FLNB: variants seen among roughly 807,000 people sequenced by gnomAD.
The protein encoded by FLNB is filamin-B.
In FLNB, 111 loss-of-function variants were observed where a neutral mutation model predicts 250.6. The observed-to-expected ratio is 0.44, with a 90% CI of 0.38 to 0.52. The LOEUF (loss-of-function observed/expected upper bound fraction) is 0.52. FLNB is among the 20% of genes least tolerant of loss of function. The pLI, the probability that FLNB is intolerant of heterozygous loss-of-function variation, is 0.00. For missense variants in FLNB, 2,869 were observed against 3,447.8 expected (o/e 0.83, Z 4.20); for synonymous variants, 1,302 against 1,372.1 (o/e 0.95, Z 1.13).
At chr3:58,045,490 C>T (rs1384713403) in intron 1 of FLNB, among the ~76,000 whole-genome samples, 4 of 152,166 alleles carry the variant, frequency 2.6e-5, no homozygotes, top group Non-Finnish European at 4.4e-5. Context: ...TAAAGCTCAT[C>T]AGCTATCATT....
chr3:58,143,564 G>A lies in FLNB; in HGVS notation c.5376G>A (p.Glu1792=). 6.2e-7 allele frequency: 1 copy of A among 1,614,162 alleles called. No homozygotes were observed. The highest frequency in any genetic ancestry group is 8.5e-7 in the Non-Finnish European group (1 of 1,180,036). ...TCACTGTTAGATATGCCCCCACTGAGGTCGGGCTCCATGAGATGCACATCA... is the reference window on the plus strand; with the variant it reads ...TCACTGTTAGATATGCCCCCACTGAAGTCGGGCTCCATGAGATGCACATCA... ...GTVTVRYAPT[E]VGLHEMHIKY... The change falls in exon 32 of 46, where the codon GAG becomes GAA. Residue 1792 remains glutamate (E), a synonymous_variant. Coordinates refer to ENST00000295956, the MANE Select transcript of FLNB (RefSeq NM_001457.4).
At chr3:58,108,401 T>C in intron 12 of FLNB, 57 bp from the exon 13 acceptor site, 1 of 1,120,908 alleles carries the variant, frequency 8.9e-7, no homozygotes, top group African/African-American at 1.5e-5. Flanking sequence ...TGTCTTTGTA[T>C]AAGGGTTTAG....
intron 38 of FLNB, chr3:58,152,866 A>G: frequency 1.8e-6 from 1 of 562,072 alleles, no homozygotes. Context: ...TGAGCAGCTC[A>G]CGGAGAGTGA....
At chr3:58,089,337 G>A (rs1166967293) in intron 4 of FLNB, among the ~76,000 whole-genome samples, 2 of 152,068 alleles carry the variant, frequency 1.3e-5, no homozygotes, top group Admixed American at 1.3e-4. Flanking sequence ...CTGAGGTCAG[G>A]AATTCGATAC....
At chr3:58,115,994 C>A (rs961991562) in intron 18 of FLNB, among the ~76,000 whole-genome samples, 4 of 151,994 alleles carry the variant, frequency 2.6e-5, no homozygotes, top group Admixed American at 2.0e-4. Context: ...TTCCTTCCCA[C>A]CCCCACCCCC....
In FLNB at chr3:58,094,870, A is replaced by T; in HGVS notation, c.822A>T (p.Pro274=). 1 of 1,614,182 alleles carries T rather than the reference A, an allele frequency of 6.2e-7. No homozygotes were observed. Among genetic ancestry groups the T allele is most frequent in the African/African-American group, 1.3e-5 (1 of 75,056 alleles). Residue 274 remains proline, a synonymous_variant, in exon 5 of 46, where the codon CCA becomes CCT. Coordinates refer to ENST00000295956, the MANE Select transcript of FLNB (RefSeq NM_001457.4). The part of the protein sequence containing the change: ...IEPTGNMVKQ[P]AKFTVDTISA... ...CCACTGGAAACATGGTGAAGCAGCCAGCCAAGTTCACTGTGGACACCATCA... is the reference window on the plus strand; with the variant it reads ...CCACTGGAAACATGGTGAAGCAGCCTGCCAAGTTCACTGTGGACACCATCA...
chr3:58,053,671 T>C (rs887530834), intron 1 of FLNB, among the ~76,000 whole-genome samples: 3 of 152,026 alleles, frequency 2.0e-5, no homozygotes, highest in Admixed American at 1.3e-4. Flanking sequence ...ACTGTGTTAG[T>C]CAGGATGGTC....
At chr3:58,105,059 C>T (rs1451824034) in intron 10 of FLNB, 21 bp from the exon 11 acceptor site, 1 of 1,614,186 alleles carries the variant, frequency 6.2e-7, no homozygotes, top group Admixed American at 1.7e-5. Context: ...TTTGATGCTT[C>T]TTCTATTCCT....
intron 1 of FLNB, among the ~76,000 whole-genome samples, chr3:58,013,222 G>A (rs774913777): frequency 1.3e-5 from 2 of 152,222 alleles, no homozygotes; most frequent in Non-Finnish European, 2.9e-5. Context: ...TTTGGGTGGT[G>A]TGTTTTGTTT....
At chr3:58,120,652 G>C (rs532335268) in intron 19 of FLNB, among the ~76,000 whole-genome samples, 6 of 152,326 alleles carry the variant, frequency 3.9e-5, no homozygotes, top group African/African-American at 1.4e-4. Flanking sequence ...GCTTTCTTGA[G>C]GGGGAGGGGT....
intron 1 of FLNB, among the ~76,000 whole-genome samples, chr3:58,046,756 C>G (rs1251207031): frequency 6.6e-6 from 1 of 152,098 alleles, no homozygotes; most frequent in African/African-American, 2.4e-5. Context: ...TTTTTATTGC[C>G]TCAGAAGAAC....
rs553107527 is a variant in FLNB at position 58,115,739 on chromosome 3, C to T, written c.2746-3133C>T. ...CAAGGAGCCGGGTGGGCCTTGGTGG[C>T]GGTCGTTGCCACCAAGTGGCAACAT... On this transcript the variant is annotated intron_variant, in intron 18 of 45. Transcript: ENST00000295956. Among the ~76,000 whole-genome samples the T allele has an allele frequency of 3.9e-5, 6 of 152,076 alleles. No homozygotes were observed. The East Asian group carries it at 7.8e-4, about 20-fold the overall frequency.
intron 1 of FLNB, among the ~76,000 whole-genome samples, chr3:58,038,844 C>G (rs1235222663): frequency 6.6e-6 from 1 of 152,020 alleles, no homozygotes; most frequent in Non-Finnish European, 1.5e-5. Context: ...CAGCTGGCAC[C>G]CAGTGCATAG....
intron 41 of FLNB, among the ~76,000 whole-genome samples, chr3:58,157,754 G>A (rs1481160354): frequency 2.6e-5 from 4 of 152,144 alleles, no homozygotes; most frequent in Non-Finnish European, 5.9e-5. Context: ...AGCGGCAAGC[G>A]GATTCAGGTA....
At chr3:58,012,806 A>C (rs1687432369) in intron 1 of FLNB, among the ~76,000 whole-genome samples, 1 of 152,226 alleles carries the variant, frequency 6.6e-6, no homozygotes. Context: ...CATTGAATGA[A>C]TACAGGGTTT....
rs188359703 is a variant in FLNB, at chr3:58,039,790, G to C, written c.292+30934G>C. Among the ~76,000 whole-genome samples the C allele has an allele frequency of 9.6e-4, 146 of 152,268 alleles. 4 individuals carry two copies. In the East Asian group the frequency reaches 0.027, roughly 28 times the overall value. ...ATGATTTATTCATGGGTGGTGGGGA[G>C]GGTAGCACTAGTGTATGCTCCCAGC... On this transcript the variant is annotated intron_variant, in intron 1 of 45. Transcript: ENST00000295956.
At position 58,109,668 on chromosome 3, in the gene FLNB, C is replaced by T. The variant is rs754197721; in HGVS notation, c.2292C>T (p.His764=). 6 of 1,614,132 alleles carry T rather than the reference C, an allele frequency of 3.7e-6. No homozygotes were observed. The highest frequency in any genetic ancestry group is 3.3e-5 in the South Asian group (3 of 91,070). Residue 764 remains histidine, a synonymous_variant, in exon 15 of 46, where the codon CAC becomes CAT. Transcript: ENST00000295956. ...GTCTGAAGGCAAATGAACCTACACACTTCACGGTGGACTGTACTGAGGCTG... is the reference window on the plus strand; with the variant it reads ...GTCTGAAGGCAAATGAACCTACACATTTCACGGTGGACTGTACTGAGGCTG... ...RSGLKANEPT[H]FTVDCTEAGE...
intron 18 of FLNB, among the ~76,000 whole-genome samples, chr3:58,115,477 GGACTGCAGAACCCAGTACCCCA>G (rs1330733376): frequency 6.6e-6 from 1 of 152,204 alleles, no homozygotes; most frequent in Non-Finnish European, 1.5e-5. Flanking sequence ...TCCTTGGAAA[GGACTGCAGAACCCAGTACCCCA>G]GACGTCCCCT....
At position 58,142,884 on chromosome 3, in the gene FLNB, C is replaced by T. The variant is rs989069864; in HGVS notation, c.5284+132C>T. On this transcript the variant is annotated intron_variant, in intron 31 of 45. Coordinates refer to ENST00000295956, the MANE Select transcript of FLNB (RefSeq NM_001457.4). The surrounding 1 kb of genome is among the most constrained non-coding windows in gnomAD (Gnocchi z 4.3). ...CCCAGGGTCACGAGTTCTTGGTCTC[C>T]GGTGTTGGGCCGTGGGCTCCTGAAA... 9.2e-6 allele frequency: 7 copies of T among 759,128 alleles called. No homozygotes were observed. The highest frequency in any genetic ancestry group is 1.5e-5 in the South Asian group (1 of 67,310). The allele number at this position is 759,128 out of a possible 1,614,324, so 47.0% of individuals were successfully genotyped here.
Sources: gnomAD v4.1 joint callset for allele counts (sites outside exome capture counted in the v4.1 genomes callset) on GRCh38, gnomAD v4.1.1 for gene constraint, Gnocchi (gnomAD v3.1) non-coding constraint, MANE v1.5 for transcripts, NCBI Gene and HGNC (gene_info 2026-07-23, HGNC 2026-07-21) for gene names.